The following SATB2 variants were observed in gnomAD, a reference collection of about 807,000 sequenced individuals.
The protein encoded by SATB2 is SATB homeobox 2.
SATB2 carries 1 observed loss-of-function variant against 73.4 expected under a neutral mutation model. The ratio of observed to expected loss-of-function variants is 0.01; its 90% CI spans 0.00 to 0.06. The LOEUF is 0.06. SATB2 is among the 10% of genes least tolerant of loss of function. SATB2 has a pLI of 1.00. For missense variants in SATB2, 459 were observed against 945.8 expected (o/e 0.49, Z 6.75); for synonymous variants, 397 against 367.0 (o/e 1.08, Z -0.93).
chr2:199,427,315 T>C (rs923115599), intron 3 of SATB2, among the ~76,000 whole-genome samples: 10 of 151,780 alleles, frequency 6.6e-5, no homozygotes, highest in Non-Finnish European at 1.2e-4. Flanking sequence ...TGTGAAAGAA[T>C]AGATAACCCA....
intron 6 of SATB2, among the ~76,000 whole-genome samples, chr2:199,352,467 A>T (rs886689069): frequency 6.6e-5 from 10 of 152,186 alleles, no homozygotes; most frequent in Admixed American, 2.0e-4. Context: ...CTTTAAGGTT[A>T]TATATAATCA....
At chr2:199,316,780 C>T (rs141386043) in intron 9 of SATB2, among the ~76,000 whole-genome samples, 6 of 152,114 alleles carry the variant, frequency 3.9e-5, no homozygotes, top group Non-Finnish European at 7.4e-5. Context: ...CATATAAATA[C>T]GTACAAACAC....
intron 3 of SATB2, among the ~76,000 whole-genome samples, chr2:199,424,490 C>G (rs1691270233): frequency 6.6e-6 from 1 of 152,148 alleles, no homozygotes; most frequent in Non-Finnish European, 1.5e-5. Flanking sequence ...AAATTGAACA[C>G]TTAATACTAC....
chr2:199,406,384 A>G (rs1226918274), intron 3 of SATB2, among the ~76,000 whole-genome samples: 1 of 152,194 alleles, frequency 6.6e-6, no homozygotes. Context: ...ATTAAATTCC[A>G]AGCCCTATAT....
At chr2:199,374,263 C>A (rs1285654416) in intron 5 of SATB2, among the ~76,000 whole-genome samples, 1 of 152,308 alleles carries the variant, frequency 6.6e-6, no homozygotes, top group African/African-American at 2.4e-5. Flanking sequence ...TGGGACAGAG[C>A]TGCTTCAAAA....
chr2:199,353,383 G>A lies in SATB2; in HGVS notation c.701-4210C>T, dbSNP rs1041843568. ...TTGCCCAGGTTGGTCTCCAACTCCT[G>A]ACATCAAGTGATCCACCCGCCTCGG... On this transcript the variant is annotated intron_variant, in intron 6 of 10. Coordinates refer to ENST00000417098, the MANE Select transcript of SATB2 (RefSeq NM_001172509.2). Among the ~76,000 whole-genome samples the A allele has an allele frequency of 2.2e-4, 34 of 151,878 alleles. 1 individual carries two copies. The highest frequency in any genetic ancestry group is 7.5e-4 in the African/African-American group (31 of 41,356).
At chr2:199,337,311 T>C (rs1334829300) in intron 7 of SATB2, among the ~76,000 whole-genome samples, 2 of 152,202 alleles carry the variant, frequency 1.3e-5, no homozygotes, top group African/African-American at 4.8e-5. Flanking sequence ...TTCAGAAAAG[T>C]AAAACAACTT....
At chr2:199,377,651 G>A (rs1003430909) in intron 5 of SATB2, among the ~76,000 whole-genome samples, 1 of 152,142 alleles carries the variant, frequency 6.6e-6, no homozygotes, top group Non-Finnish European at 1.5e-5. Flanking sequence ...CATCTTGATG[G>A]TCTTTATGAT....
In SATB2 at chr2:199,312,042, CA is replaced by C. The variant is rs35945320; in HGVS notation, c.1543-3086del. 3.4e-3 allele frequency among the ~76,000 whole-genome samples: 447 copies of C among 130,298 alleles called. 1 individual carries two copies. The highest frequency in any genetic ancestry group is 7.2e-3 in the African/African-American group (251 of 35,016). The allele number at this position is 130,298 out of a possible 152,430, so 85.5% of individuals were successfully genotyped here. A position where few individuals can be genotyped will look rare whatever the true frequency, so the allele number is the denominator to read the frequency against. On this transcript the variant is annotated intron_variant, in intron 9 of 10. Transcript: ENST00000417098. Reference sequence around the variant, plus strand: ...TCCAAGAAAGTTTTGCAGTATCAGGCAAAAAAAAAAAAGTGTAAATGTCAAA... The same window carrying C: ...TCCAAGAAAGTTTTGCAGTATCAGGCAAAAAAAAAAAGTGTAAATGTCAAA...
chr2:199,311,679 C>A (rs1470101590), intron 9 of SATB2, among the ~76,000 whole-genome samples: 1 of 152,190 alleles, frequency 6.6e-6, no homozygotes, highest in Non-Finnish European at 1.5e-5. Flanking sequence ...TAGTTTTCCT[C>A]ATGGCAGCCA....
intron 3 of SATB2, among the ~76,000 whole-genome samples, chr2:199,406,482 C>G (rs1479368050): frequency 6.6e-6 from 1 of 152,146 alleles, no homozygotes; most frequent in Non-Finnish European, 1.5e-5. Flanking sequence ...TCAGCATTTT[C>G]CACGGATAAT....
intron 6 of SATB2, among the ~76,000 whole-genome samples, chr2:199,353,930 C>T (rs1232161592): frequency 6.6e-6 from 1 of 152,152 alleles, no homozygotes; most frequent in African/African-American, 2.4e-5. Flanking sequence ...CAGTATTTAG[C>T]AGAAGATCAG....
At chr2:199,443,701 C>T (rs1691886859) in intron 2 of SATB2, among the ~76,000 whole-genome samples, 1 of 152,116 alleles carries the variant, frequency 6.6e-6, no homozygotes, top group African/African-American at 2.4e-5. Flanking sequence ...AGCAGACAGG[C>T]AACTACCACC....
At chr2:199,415,126 G>C (rs1444449610) in intron 3 of SATB2, among the ~76,000 whole-genome samples, 1 of 152,204 alleles carries the variant, frequency 6.6e-6, no homozygotes, top group Non-Finnish European at 1.5e-5. Flanking sequence ...ACAATTATGT[G>C]CGTATTAAAA....
chr2:199,351,090 A>G (rs1031438883), intron 6 of SATB2, among the ~76,000 whole-genome samples: 10 of 151,284 alleles, frequency 6.6e-5, no homozygotes, highest in Non-Finnish European at 1.0e-4. Flanking sequence ...AAACTTCCAA[A>G]TAAGTCAAGA....
chr2:199,337,812 C>CT (rs1418867703), intron 7 of SATB2, among the ~76,000 whole-genome samples: 2 of 152,124 alleles, frequency 1.3e-5, no homozygotes, highest in African/African-American at 4.8e-5. Flanking sequence ...TTTAAACTTC[C>CT]TTCACTTTAT....
chr2:199,338,293 G>A (rs532695628), intron 7 of SATB2, among the ~76,000 whole-genome samples: 6 of 151,714 alleles, frequency 4.0e-5, no homozygotes, highest in Admixed American at 2.0e-4. Context: ...ACTTGAACTC[G>A]GGAGGCAGAG....
chr2:199,439,780 A>G (rs893683739), intron 2 of SATB2, among the ~76,000 whole-genome samples: 1 of 152,126 alleles, frequency 6.6e-6, no homozygotes, highest in East Asian at 1.9e-4. Context: ...TAACTTGCCA[A>G]CATTAACCAC....
chr2:199,403,915 A>T (rs1355408547), intron 3 of SATB2, among the ~76,000 whole-genome samples: 1 of 152,214 alleles, frequency 6.6e-6, no homozygotes, highest in Non-Finnish European at 1.5e-5. Context: ...CAGGATATCA[A>T]CCTGACAAGG....
Sources: gnomAD v4.1 joint callset for allele counts (sites outside exome capture counted in the v4.1 genomes callset) on GRCh38, gnomAD v4.1.1 for gene constraint, MANE v1.5 for transcripts, NCBI Gene and HGNC (gene_info 2026-07-23, HGNC 2026-07-21) for gene names.